The following LAMB1 variants were observed in gnomAD, a reference collection of about 807,000 sequenced individuals.
LAMB1 encodes laminin subunit beta 1.
A neutral mutation model predicts 222.3 loss-of-function variants in LAMB1; 121 were observed. The observed-to-expected ratio is 0.54, with a 90% CI of 0.47 to 0.63. The LOEUF is 0.63. Ranked by LOEUF, LAMB1 falls within the 30% of genes least tolerant of loss-of-function variation. The probability of loss-of-function intolerance (pLI) is 0.00; values close to 1 mark genes in which losing one functional copy is unlikely to be tolerated. For synonymous variants in LAMB1, 794 were observed against 807.2 expected, an observed-to-expected ratio of 0.98 and a Z score of 0.28; for missense variants, 2,172 against 2,240.8, an observed-to-expected ratio of 0.97 and a Z score of 0.62.
intron 20 of LAMB1, among the ~76,000 whole-genome samples, chr7:107,958,661 G>T (rs2033428505): frequency 6.6e-6 from 1 of 152,154 alleles, no homozygotes; most frequent in Admixed American, 6.5e-5. Context: ...TTTTCATACG[G>T]AGTATTTTTT....
At chr7:107,935,770 T>A in intron 26 of LAMB1, 114 bp from the exon 27 acceptor site, 2 of 1,205,158 alleles carry the variant, frequency 1.7e-6, no homozygotes, top group African/African-American at 1.5e-5. Flanking sequence ...AGTTTTAAAA[T>A]TCAAGAAAAA....
At chr7:107,995,732 G>C (rs1017249467) in intron 4 of LAMB1, among the ~76,000 whole-genome samples, 1 of 152,170 alleles carries the variant, frequency 6.6e-6, no homozygotes, top group African/African-American at 2.4e-5. Flanking sequence ...CCAGTCCCTA[G>C]AGCTCTCAAG....
At chr7:107,933,285 G>A (rs1029318400) in intron 27 of LAMB1, among the ~76,000 whole-genome samples, 2 of 152,208 alleles carry the variant, frequency 1.3e-5, no homozygotes, top group African/African-American at 2.4e-5. Context: ...ATTTACTGCA[G>A]TGAAAAGGAG....
At chr7:107,962,277 A>G (rs1007422968) in intron 15 of LAMB1, among the ~76,000 whole-genome samples, 1 of 152,188 alleles carries the variant, frequency 6.6e-6, no homozygotes, top group African/African-American at 2.4e-5. Flanking sequence ...CTTTCGTTAC[A>G]GTTCGGGGCT....
chr7:107,975,200 G>A, intron 11 of LAMB1, 34 bp downstream of exon 11: 1 of 1,594,376 alleles, frequency 6.3e-7, no homozygotes, highest in Non-Finnish European at 8.6e-7. Flanking sequence ...TCAAACACAA[G>A]AAAACTCCCA....
In LAMB1 at chr7:107,980,748, A is replaced by T. The variant is rs776389635; in HGVS notation, c.740T>A (p.Leu247His). 36 of 1,613,220 alleles carry T rather than the reference A, an allele frequency of 2.2e-5. No homozygotes were observed. In the South Asian group the frequency reaches 4.0e-4, roughly 18 times the overall value. ...FVKLHTLGDNLLDSRMEIREK... is the reference protein window; with the variant it reads ...FVKLHTLGDNHLDSRMEIREK... ...TCTGATTTCCATCCTGGAATCCAGA[A>T]GGTTATCTCCCAAAGTATGCAGTTT... The change falls in exon 8 of 34, where the codon CTT becomes CAT. Residue 247 changes from leucine to histidine, a missense_variant. Coordinates refer to ENST00000222399, the MANE Select transcript of LAMB1 (RefSeq NM_002291.3).
At chr7:107,957,082 T>C (rs1159220689) in intron 20 of LAMB1, among the ~76,000 whole-genome samples, 2 of 152,172 alleles carry the variant, frequency 1.3e-5, no homozygotes, top group Non-Finnish European at 2.9e-5. Flanking sequence ...ACCTAGTTAT[T>C]CTACTTATGA....
In LAMB1 at chr7:108,001,722, C is replaced by T. The variant is rs1240746978; in HGVS notation, c.49G>A (p.Ala17Thr). 3 of 1,612,824 alleles carry T rather than the reference C, an allele frequency of 1.9e-6. No homozygotes were observed. Among genetic ancestry groups the T allele is most frequent in the Non-Finnish European group, 2.5e-6 (3 of 1,179,894 alleles). The change falls in exon 3 of 34, where the codon GCC (alanine) becomes ACC (threonine). Residue 17 changes from alanine (A) to threonine (T), a missense_variant. Ala to Thr is a moderately conservative substitution (Grantham distance 58). Coordinates refer to ENST00000222399, the MANE Select transcript of LAMB1 (RefSeq NM_002291.3). ...TCGGGTTCCTGAGCGCGCACTCGGG[C>T]TCTGCACAGGGCTGCGGGAAGGACA... ...LAFSFLALCRARVRAQEPEFS... is the reference protein window; with the variant it reads ...LAFSFLALCRTRVRAQEPEFS...
At position 107,961,336 on chromosome 7, in the gene LAMB1, C is replaced by G; in HGVS notation, c.1986-7G>C. ...CCGAGGAAGGACGACATATCTGCCCCCAAACAAAAAAGAAAGACAACAACG... is the reference window on the plus strand; with the variant it reads ...CCGAGGAAGGACGACATATCTGCCCGCAAACAAAAAAGAAAGACAACAACG... On this transcript the variant is annotated splice_region_variant and splice_polypyrimidine_tract_variant and intron_variant, in intron 16 of 33. Transcript: ENST00000222399. The G allele has an allele frequency of 6.2e-7, 1 of 1,606,528 alleles. No individual in the cohort carries two copies. Among genetic ancestry groups the G allele is most frequent in the Non-Finnish European group, 8.5e-7 (1 of 1,178,152 alleles).
chr7:107,939,966 C>A, intron 25 of LAMB1, 23 bp downstream of exon 25: 1 of 1,602,854 alleles, frequency 6.2e-7, no homozygotes, highest in South Asian at 1.1e-5. Flanking sequence ...ATGAGTAATT[C>A]CTCTGGCTCA....
intron 24 of LAMB1, among the ~76,000 whole-genome samples, chr7:107,946,346 G>T (rs1325990576): frequency 6.6e-6 from 1 of 152,068 alleles, no homozygotes; most frequent in African/African-American, 2.4e-5. Flanking sequence ...GTTCAATTTT[G>T]GAATGAAAGT....
intron 27 of LAMB1, among the ~76,000 whole-genome samples, chr7:107,933,673 C>T (rs1185108738): frequency 6.6e-6 from 1 of 151,194 alleles, no homozygotes; most frequent in Non-Finnish European, 1.5e-5. Context: ...ACCTGAAAAA[C>T]AAAAGGACAA....
Position 107,932,506 on chromosome 7 carries a change from G to C in LAMB1, c.4189-129C>G. On this transcript the variant is annotated intron_variant, in intron 27 of 33. Coordinates refer to ENST00000222399, the MANE Select transcript of LAMB1 (RefSeq NM_002291.3). ...CTCAGCAAGGGTGCTTGAAAACAGTGTTTGGGAGACAGAATGGAGAGAGGA... is the reference window on the plus strand; with the variant it reads ...CTCAGCAAGGGTGCTTGAAAACAGTCTTTGGGAGACAGAATGGAGAGAGGA... The C allele has an allele frequency of 1.9e-5, 15 of 788,702 alleles. No homozygotes were observed. The South Asian group carries it at 2.3e-4, about 12-fold the overall frequency. The allele number at this position is 788,702 out of a possible 1,614,324, so 48.9% of individuals were successfully genotyped here.
At chr7:107,977,918 G>T in intron 9 of LAMB1, 129 bp downstream of exon 9, 2 of 952,576 alleles carry the variant, frequency 2.1e-6, no homozygotes, top group Non-Finnish European at 3.2e-6. Context: ...GGAGTATCAG[G>T]GTGAAGCTGG....
At chr7:107,996,457 C>T (rs189911177) in intron 4 of LAMB1, among the ~76,000 whole-genome samples, 118 of 152,234 alleles carry the variant, frequency 7.8e-4, no homozygotes, top group African/African-American at 2.7e-3. Context: ...AATTTAGCCC[C>T]GCCACGTATA....
intron 3 of LAMB1, 109 bp downstream of exon 3, chr7:108,001,449 C>A: frequency 7.9e-7 from 1 of 1,262,992 alleles, no homozygotes; most frequent in Non-Finnish European, 1.1e-6. Context: ...CGGCTGGCTG[C>A]GCTTCCTATC....
intron 28 of LAMB1, 102 bp downstream of exon 28, chr7:107,932,072 A>C (rs1415358984): frequency 9.3e-7 from 1 of 1,071,384 alleles, no homozygotes; most frequent in Non-Finnish European, 1.4e-6. Flanking sequence ...TGCCCTTTTC[A>C]TTTCAGTTAG....
In LAMB1 at chr7:108,001,772, G is replaced by A. The variant is rs73422850; in HGVS notation, c.38-39C>T. The A allele has an allele frequency of 6.5e-3, 10,376 of 1,606,580 alleles. 344 individuals are homozygous for A. In the African/African-American group the frequency reaches 0.082, roughly 13 times the overall value. The stretch of plus-strand genomic sequence containing the variant: ...AGGCAACAGAGTTGGGGGGACACAA[G>A]CAGGGAGTGGAGCCCGAAAAAAACG... On this transcript the variant is annotated intron_variant, in intron 2 of 33. Transcript: ENST00000222399.
At position 107,952,015 on chromosome 7, in the gene LAMB1, G is replaced by A. The variant is rs1239356269; in HGVS notation, c.3288C>T (p.Cys1096=). The change falls in exon 23 of 34, where the codon TGC becomes TGT. Residue 1096 remains cysteine, a synonymous_variant. Coordinates refer to ENST00000222399, the MANE Select transcript of LAMB1 (RefSeq NM_002291.3). ...CCCAGCAGCAGCCCCTCACCTCATT[G>A]CAAGATGGCCCGAAGGAATGAGCAG... ...CNAAHSFGPS[C]NEFTGQCQCM... is the part of the protein sequence containing the mutation. 1.9e-6 allele frequency: 3 copies of A among 1,609,592 alleles called. No individual in the cohort carries two copies. The highest frequency in any genetic ancestry group is 2.5e-6 in the Non-Finnish European group (3 of 1,177,224).
Sources: allele counts gnomAD v4.1 joint callset (sites outside exome capture counted in the v4.1 genomes callset), GRCh38; gene constraint gnomAD v4.1.1; transcripts MANE v1.5; gene names NCBI Gene and HGNC (gene_info 2026-07-23, HGNC 2026-07-21).